The following HERC6 variants were observed in gnomAD, a reference collection of about 807,000 sequenced individuals.
HERC6 encodes the protein HECT and RLD domain containing E3 ubiquitin protein ligase family member 6, also known as probable E3 ubiquitin-protein ligase HERC6.
HERC6 carries 101 observed loss-of-function variants against 114.5 expected under a neutral mutation model. The ratio of observed to expected loss-of-function variants is 0.88; its 90% CI spans 0.75 to 1.04. The LOEUF (loss-of-function observed/expected upper bound fraction) is 1.04. Ranked by LOEUF, HERC6 falls within the 50% of genes least tolerant of loss-of-function variation. HERC6 has a pLI of 0.00. For missense variants in HERC6, 1,133 were observed against 1,230.9 expected (o/e 0.92, Z 1.19); for synonymous variants, 408 against 436.2 (o/e 0.94, Z 0.81).
At position 88,379,073 on chromosome 4, in the gene HERC6, G is replaced by A. The variant is rs780946538; in HGVS notation, c.152G>A (p.Ser51Asn). 5.8e-6 allele frequency: 9 copies of A among 1,551,118 alleles called. No individual in the cohort carries two copies. Among genetic ancestry groups the A allele is most frequent in the Non-Finnish European group, 7.8e-6 (9 of 1,149,096 alleles). The change falls in exon 1 of 23, where the codon AGC (serine) becomes AAC (asparagine). Residue 51 changes from serine to asparagine, a missense_variant. By Grantham distance (46) the Ser-to-Asn change is conservative. Around this residue, in one of 3 missense-constraint regions of HERC6, gnomAD observed 735 missense variants for 754.0 expected, o/e 0.97. Transcript: ENST00000264346. ...NHRVLSCGDN[S>N]RGQLGRRGAQ... ...AGGGTCCTCTCGTGCGGAGACAACA[G>A]CAGGGGTCAGCTGGGCCGCAGGGGC...
At chr4:88,441,248 C>G (rs1189642241) in intron 22 of HERC6, among the ~76,000 whole-genome samples, 1 of 152,128 alleles carries the variant, frequency 6.6e-6, no homozygotes, top group Non-Finnish European at 1.5e-5. Flanking sequence ...ATAATAATGG[C>G]AACAACAACT....
chr4:88,393,511 G>T lies in HERC6; in HGVS notation c.688G>T (p.Val230Phe). The T allele has an allele frequency of 6.2e-7, 1 of 1,612,052 alleles. No homozygotes were observed. Among genetic ancestry groups the T allele is most frequent in the Non-Finnish European group, 8.5e-7 (1 of 1,178,664 alleles). The change falls in exon 5 of 23, where the codon GTC (valine) becomes TTC (phenylalanine). Residue 230 changes from valine to phenylalanine, a missense_variant. By Grantham distance (50) the Val-to-Phe change is conservative. Coordinates refer to ENST00000264346, the MANE Select transcript of HERC6 (RefSeq NM_017912.4). ...AGTGCAAAGCAACAAGCCTCTCTCA[G>T]TCGGTGCACTGAAGAATCTAGGTGT... ...VPVQSNKPLS[V>F]GALKNLGVVY... is the part of the protein sequence containing the mutation.
At chr4:88,408,809 C>T (rs1333937260) in intron 11 of HERC6, among the ~76,000 whole-genome samples, 192 bp downstream of exon 11, 2 of 152,238 alleles carry the variant, frequency 1.3e-5, no homozygotes, top group African/African-American at 4.8e-5. Flanking sequence ...TGAGGCTGGC[C>T]ATGCCATGTA....
At chr4:88,425,809 T>C (rs1373349002) in intron 15 of HERC6, among the ~76,000 whole-genome samples, 1 of 152,200 alleles carries the variant, frequency 6.6e-6, no homozygotes, top group Non-Finnish European at 1.5e-5. Flanking sequence ...TTTTTATTGC[T>C]GAGGCTTGTT....
chr4:88,414,762 T>G (rs1317452767), intron 12 of HERC6, among the ~76,000 whole-genome samples: 4 of 152,098 alleles, frequency 2.6e-5, no homozygotes, highest in East Asian at 3.9e-4. Context: ...CCATCTTGGT[T>G]TTGGTGGATT....
At chr4:88,428,819 T>C in intron 16 of HERC6, 69 bp downstream of exon 16, 1 of 1,307,410 alleles carries the variant, frequency 7.6e-7, no homozygotes, top group East Asian at 2.7e-5. Flanking sequence ...ATGTAACAAA[T>C]GCTCTCTGAA....
chr4:88,411,759 G>A (rs1287649417), intron 11 of HERC6, among the ~76,000 whole-genome samples: 2 of 152,172 alleles, frequency 1.3e-5, no homozygotes, highest in Non-Finnish European at 2.9e-5. Context: ...GCTGAATCAG[G>A]CTTCTTTCCA....
intron 2 of HERC6, among the ~76,000 whole-genome samples, chr4:88,384,018 G>T (rs969555168): frequency 6.6e-6 from 1 of 152,052 alleles, no homozygotes; most frequent in Non-Finnish European, 1.5e-5. Flanking sequence ...AGCTGCAAAA[G>T]ATACAGATAT....
chr4:88,425,794 C>CT (rs76638121), intron 15 of HERC6, among the ~76,000 whole-genome samples: 4 of 151,388 alleles, frequency 2.6e-5, no homozygotes, highest in African/African-American at 7.3e-5. Flanking sequence ...ATTTTCCAAA[C>CT]TTTTTTTTTA....
intron 17 of HERC6, among the ~76,000 whole-genome samples, chr4:88,432,972 C>T (rs1407114000): frequency 6.6e-6 from 1 of 151,764 alleles, no homozygotes; most frequent in Non-Finnish European, 1.5e-5. Flanking sequence ...CCTGTAGTCC[C>T]AGCTACTCGG....
intron 8 of HERC6, among the ~76,000 whole-genome samples, chr4:88,400,580 G>A (rs1452013254): frequency 1.3e-5 from 2 of 152,122 alleles, no homozygotes; most frequent in Admixed American, 6.5e-5. Context: ...TATTAAATGG[G>A]AAATTCAGAA....
chr4:88,404,772 A>C lies in HERC6; in HGVS notation c.1093-104A>C, dbSNP rs954682543. The C allele has an allele frequency of 7.8e-6, 11 of 1,415,502 alleles. No homozygotes were observed. The East Asian group carries it at 2.8e-4, about 36-fold the overall frequency. The allele number at this position is 1,415,502 out of a possible 1,614,324, so 87.7% of individuals were successfully genotyped here. ...TCCTCCCACCAAATGCTACCACCCAAGAGGGCAGGGCCTATTTACCACCCA... is the reference window on the plus strand; with the variant it reads ...TCCTCCCACCAAATGCTACCACCCACGAGGGCAGGGCCTATTTACCACCCA... On this transcript the variant is annotated intron_variant, in intron 8 of 22. Transcript: ENST00000264346.
At chr4:88,427,538 TAAAAA>T (rs564786150) in intron 15 of HERC6, among the ~76,000 whole-genome samples, 2 of 147,016 alleles carry the variant, frequency 1.4e-5, no homozygotes, top group South Asian at 4.3e-4. Flanking sequence ...ATCTGGTGCC[TAAAAA>T]AAAAAATCTT....
chr4:88,430,901 T>G (rs943440179), intron 16 of HERC6, among the ~76,000 whole-genome samples: 4 of 152,180 alleles, frequency 2.6e-5, no homozygotes, highest in African/African-American at 9.7e-5. Flanking sequence ...AACTGGTGAA[T>G]GCTAAGTCTT....
chr4:88,394,993 C>T (rs1157814274), intron 5 of HERC6, among the ~76,000 whole-genome samples: 1 of 152,160 alleles, frequency 6.6e-6, no homozygotes, highest in Admixed American at 6.6e-5. Context: ...TATGACACAG[C>T]TTCCTGAATG....
At chr4:88,419,320 A>C (rs1051333418) in intron 13 of HERC6, among the ~76,000 whole-genome samples, 2 of 152,340 alleles carry the variant, frequency 1.3e-5, no homozygotes, top group African/African-American at 4.8e-5. Context: ...AGTGGTATCC[A>C]GAAGTCACTG....
At chr4:88,418,065 A>G (rs1470931007) in intron 13 of HERC6, among the ~76,000 whole-genome samples, 1 of 152,168 alleles carries the variant, frequency 6.6e-6, no homozygotes, top group Non-Finnish European at 1.5e-5. Context: ...ATTACACTCT[A>G]TGTCATCTTT....
intron 19 of HERC6, 90 bp from the exon 20 acceptor site, chr4:88,437,621 G>A (rs1738893090): frequency 3.7e-6 from 3 of 801,382 alleles, no homozygotes; most frequent in East Asian, 5.5e-5. Flanking sequence ...AGTTACATAG[G>A]GGAAAATGTA....
At chr4:88,440,416 G>A in intron 22 of HERC6, 166 bp downstream of exon 22, 1 of 564,958 alleles carries the variant, frequency 1.8e-6, no homozygotes, top group Non-Finnish European at 3.1e-6. Flanking sequence ...CAAAGGGTGA[G>A]GTATAGAGCA....
Sources: gnomAD v4.1 joint callset for allele counts (sites outside exome capture counted in the v4.1 genomes callset) on GRCh38, gnomAD v4.1.1 for gene constraint, gnomAD v4.1.1 regional missense constraint, MANE v1.5 for transcripts, NCBI Gene and HGNC (gene_info 2026-07-23, HGNC 2026-07-21) for gene names.